The following PALLD variants were observed in gnomAD, a reference collection of about 807,000 sequenced individuals.
The protein encoded by PALLD is palladin.
A neutral mutation model predicts 123.5 loss-of-function variants in PALLD; 61 were observed. The observed-to-expected ratio is 0.49, with a 90% confidence interval of 0.40 to 0.61. The LOEUF (loss-of-function observed/expected upper bound fraction) is 0.61, where lower values mean the gene tolerates loss of function less well. Ranked by LOEUF, PALLD falls within the 20% of genes least tolerant of loss-of-function variation. The pLI is 0.00. For synonymous variants in PALLD, 465 were observed against 496.4 expected, an observed-to-expected ratio of 0.94 and a Z score of 0.84; for missense variants, 1,273 against 1,377.0, an observed-to-expected ratio of 0.92 and a Z score of 1.20.
At chr4:168,668,438 A>C in intron 3 of PALLD, 70 bp downstream of exon 3, 1 of 1,294,518 alleles carries the variant, frequency 7.7e-7, no homozygotes, top group Non-Finnish European at 1.1e-6. Flanking sequence ...TATCTTGGGC[A>C]TGCAAATGTG....
intron 10 of PALLD, among the ~76,000 whole-genome samples, chr4:168,843,477 G>A (rs150631660): frequency 1.7e-3 from 260 of 152,266 alleles, no homozygotes; most frequent in Non-Finnish European, 3.0e-3. Flanking sequence ...CGTAGTATAA[G>A]AATTCTGTTG....
intron 10 of PALLD, among the ~76,000 whole-genome samples, chr4:168,814,311 A>G (rs1356585176): frequency 6.6e-6 from 1 of 152,148 alleles, no homozygotes; most frequent in Non-Finnish European, 1.5e-5. Context: ...CAATCTACCA[A>G]TTCCTGATTT....
intron 15 of PALLD, among the ~76,000 whole-genome samples, chr4:168,905,796 T>C (rs1050633205): frequency 1.4e-5 from 2 of 147,134 alleles, no homozygotes; most frequent in African/African-American, 2.5e-5. Context: ...TTTTCTTTTT[T>C]TTTTTTTTTT....
At position 168,682,951 on chromosome 4, in the gene PALLD, G is replaced by A. The variant is rs181704497; in HGVS notation, c.1155-47G>A. On this transcript the variant is annotated intron_variant, in intron 4 of 21. Coordinates refer to ENST00000505667, the MANE Select transcript of PALLD (RefSeq NM_001166108.2). The stretch of plus-strand genomic sequence containing the variant: ...TGCTAAAAAAAAAAAACAAAAAAAC[G>A]AAAACAAAAAATATTCTGACTAAAC... The A allele has an allele frequency of 1.2e-3, 1,421 of 1,140,154 alleles. 7 individuals carry two copies. The African/African-American group carries it at 0.019, about 15-fold the overall frequency. 70.6% of individuals were successfully genotyped at this position (1,140,154 alleles called of 1,614,324 possible). A position where few individuals can be genotyped will look rare whatever the true frequency, so the allele number is the denominator to read the frequency against.
chr4:168,590,427 A>G (rs1279287954), intron 2 of PALLD, among the ~76,000 whole-genome samples: 1 of 152,232 alleles, frequency 6.6e-6, no homozygotes, highest in Non-Finnish European at 1.5e-5. Flanking sequence ...AACAAATAGC[A>G]TTATTCCTCA....
At chr4:168,762,514 G>A (rs1458268541) in intron 10 of PALLD, among the ~76,000 whole-genome samples, 2 of 152,168 alleles carry the variant, frequency 1.3e-5, no homozygotes, top group Admixed American at 6.5e-5. Context: ...TCATTAAAAA[G>A]TCAGGAAACA....
At chr4:168,686,851 G>A (rs1782109305) in intron 6 of PALLD, 1 of 152,246 alleles carries the variant, frequency 6.6e-6, no homozygotes, top group South Asian at 2.1e-4. Context: ...TTAGGAAGGA[G>A]TGGGATTTGT....
At chr4:168,733,804 G>A (rs1487364126) in intron 10 of PALLD, among the ~76,000 whole-genome samples, 1 of 152,080 alleles carries the variant, frequency 6.6e-6, no homozygotes, top group Non-Finnish European at 1.5e-5. Flanking sequence ...GTGCTATCTT[G>A]GCTCACTGCA....
chr4:168,708,205 T>G (rs1015186044), intron 8 of PALLD, among the ~76,000 whole-genome samples: 2 of 152,238 alleles, frequency 1.3e-5, no homozygotes, highest in African/African-American at 4.8e-5. Flanking sequence ...ATTTAATCTA[T>G]GTTAAGTGCT....
intron 10 of PALLD, among the ~76,000 whole-genome samples, chr4:168,878,684 G>C (rs910128725): frequency 3.0e-5 from 4 of 134,372 alleles, no homozygotes; most frequent in Admixed American, 7.1e-5. Flanking sequence ...AATCATTATG[G>C]GGGGGGGGGT....
chr4:168,691,385 C>T, intron 8 of PALLD, 93 bp downstream of exon 8: 1 of 1,016,484 alleles, frequency 9.8e-7, no homozygotes, highest in Non-Finnish European at 1.5e-6. Flanking sequence ...TACCTTAAAG[C>T]CGTAAGCAGA....
chr4:168,669,228 G>A (rs1779941146), intron 3 of PALLD, among the ~76,000 whole-genome samples: 1 of 152,130 alleles, frequency 6.6e-6, no homozygotes, highest in Non-Finnish European at 1.5e-5. Flanking sequence ...CAAGATGTGA[G>A]CCACCATTTA....
intron 2 of PALLD, among the ~76,000 whole-genome samples, chr4:168,541,622 T>C: frequency 6.6e-6 from 1 of 152,072 alleles, no homozygotes; most frequent in African/African-American, 2.4e-5. Context: ...GGCTAATTTT[T>C]TTGTATTTTT....
intron 6 of PALLD, among the ~76,000 whole-genome samples, chr4:168,687,885 C>G (rs1269285591): frequency 6.6e-6 from 1 of 152,186 alleles, no homozygotes; most frequent in African/African-American, 2.4e-5. Flanking sequence ...TTTAAGAACT[C>G]TCAAACTGTC....
intron 2 of PALLD, among the ~76,000 whole-genome samples, chr4:168,518,093 C>T (rs1763163776): frequency 6.6e-6 from 1 of 152,170 alleles, no homozygotes; most frequent in African/African-American, 2.4e-5. Context: ...CAAAAGACAA[C>T]CCTCCTTCCA....
At chr4:168,608,295 C>T (rs1249112264) in intron 2 of PALLD, among the ~76,000 whole-genome samples, 1 of 152,192 alleles carries the variant, frequency 6.6e-6, no homozygotes, top group East Asian at 1.9e-4. Context: ...GAAGCCTGCT[C>T]ATAGCAAGCC....
intron 2 of PALLD, among the ~76,000 whole-genome samples, chr4:168,646,186 G>A (rs1376785919): frequency 6.6e-6 from 1 of 152,172 alleles, no homozygotes; most frequent in East Asian, 1.9e-4. Flanking sequence ...CGAAAAAGAA[G>A]GGCTGGGTCC....
At chr4:168,520,503 C>T (rs941414824) in intron 2 of PALLD, among the ~76,000 whole-genome samples, 4 of 152,034 alleles carry the variant, frequency 2.6e-5, no homozygotes, top group Non-Finnish European at 4.4e-5. Context: ...CTTTCTTAAC[C>T]GCTGTTTTCA....
chr4:168,557,136 C>T (rs9998072), intron 2 of PALLD, among the ~76,000 whole-genome samples: 2,454 of 152,196 alleles, frequency 0.016, 69 homozygotes, highest in African/African-American at 0.055. Flanking sequence ...CTCCACCTCC[C>T]GGCTTCAAGC....
Sources: allele counts gnomAD v4.1 joint callset (sites outside exome capture counted in the v4.1 genomes callset), GRCh38; gene constraint gnomAD v4.1.1; transcripts MANE v1.5; gene names NCBI Gene and HGNC (gene_info 2026-07-23, HGNC 2026-07-21).